C18orf63: variants seen among roughly 807,000 people sequenced by gnomAD.
The protein encoded by C18orf63 is uncharacterized protein C18orf63.
Under a neutral mutation model 75.3 loss-of-function variants are expected in C18orf63, and 50 were observed. That is an observed-to-expected ratio of 0.66 (90% CI 0.53 to 0.84). The LOEUF is 0.84. C18orf63 is among the 40% of genes least tolerant of loss of function. The probability of loss-of-function intolerance (pLI) is 0.00; values close to 1 mark genes in which losing one functional copy is unlikely to be tolerated. For missense variants in C18orf63, 732 were observed against 800.2 expected, an observed-to-expected ratio of 0.91 and a Z score of 1.03; for synonymous variants, 232 against 267.6, an observed-to-expected ratio of 0.87 and a Z score of 1.30.
At chr18:74,341,557 G>T (rs1173370574) in intron 8 of C18orf63, among the ~76,000 whole-genome samples, 2 of 152,034 alleles carry the variant, frequency 1.3e-5, no homozygotes, top group Non-Finnish European at 2.9e-5. Context: ...GTGCACGCTT[G>T]TAATCCCAGC....
chr18:74,345,239 T>C (rs1322913810), intron 11 of C18orf63, among the ~76,000 whole-genome samples: 1 of 152,188 alleles, frequency 6.6e-6, no homozygotes, highest in Non-Finnish European at 1.5e-5. Context: ...GTTTGTTTTT[T>C]TATTGATTTA....
intron 7 of C18orf63, among the ~76,000 whole-genome samples, chr18:74,336,084 G>A (rs953695413): frequency 6.6e-5 from 10 of 152,030 alleles, no homozygotes; most frequent in African/African-American, 2.2e-4. Flanking sequence ...AAAAATGATA[G>A]CTATTGTTAT....
chr18:74,316,699 T>A (rs1599283202), intron 1 of C18orf63, among the ~76,000 whole-genome samples: 1 of 152,176 alleles, frequency 6.6e-6, no homozygotes, highest in African/African-American at 2.4e-5. Context: ...CTGGACAGGA[T>A]GTTAATAGCG....
At chr18:74,327,527 C>T (rs1460099901) in intron 4 of C18orf63, among the ~76,000 whole-genome samples, 1 of 152,138 alleles carries the variant, frequency 6.6e-6, no homozygotes, top group Non-Finnish European at 1.5e-5. Context: ...ATTTGCATCT[C>T]GTTATTGGGC....
intron 1 of C18orf63, among the ~76,000 whole-genome samples, chr18:74,317,211 T>G (rs968461061): frequency 6.6e-6 from 1 of 152,224 alleles, no homozygotes; most frequent in Admixed American, 6.5e-5. Flanking sequence ...GAAGCTTCAC[T>G]GGGTTGCTTT....
intron 13 of C18orf63, among the ~76,000 whole-genome samples, 155 bp from the exon 14 acceptor site, chr18:74,356,326 T>C (rs1401268920): frequency 6.6e-6 from 1 of 152,118 alleles, no homozygotes; most frequent in Non-Finnish European, 1.5e-5. Context: ...CTGCACTCTA[T>C]GTCCACGTGT....
At chr18:74,349,090 G>A (rs1984622242) in intron 11 of C18orf63, among the ~76,000 whole-genome samples, 1 of 152,142 alleles carries the variant, frequency 6.6e-6, no homozygotes, top group Admixed American at 6.5e-5. Context: ...TTTATCTCAA[G>A]TAGTAGATAT....
chr18:74,342,071 C>A lies in C18orf63; in HGVS notation c.651C>A (p.Ile217=). The A allele has an allele frequency of 1.3e-6, 2 of 1,528,412 alleles. No individual in the cohort carries two copies. The highest frequency in any genetic ancestry group is 2.0e-5 in the Admixed American group (1 of 50,786). 94.7% of individuals were successfully genotyped at this position (1,528,412 alleles called of 1,614,324 possible). A position where few individuals can be genotyped will look rare whatever the true frequency, so the allele number is the denominator to read the frequency against. ...MGQIINIFHA[I]PAACPFHSYG... ...AAATTATAAATATTTTTCATGCCAT[C>A]CCCGCTGCCTGTCCTTTTCACTCAT... is the stretch of plus-strand genomic sequence containing the variant. The change falls in exon 9 of 14, where the codon ATC becomes ATA. Residue 217 remains isoleucine (I), a synonymous_variant. Transcript: ENST00000579455.
In C18orf63 at chr18:74,358,869, A is replaced by C. The variant is rs1010304713; in HGVS notation, c.*2422A>C. 2 of 151,990 alleles carry C rather than the reference A, an allele frequency of 1.3e-5. No homozygotes were observed. The highest frequency in any genetic ancestry group is 2.9e-5 in the Non-Finnish European group (2 of 67,990). The allele number at this position is 151,990 out of a possible 1,614,324, so 9.4% of individuals were successfully genotyped here. A position where few individuals can be genotyped will look rare whatever the true frequency, so the allele number is the denominator to read the frequency against. On this transcript the variant is annotated 3_prime_UTR_variant, in exon 14 of 14. Coordinates refer to ENST00000579455, the MANE Select transcript of C18orf63 (RefSeq NM_001174123.2). ...TACTATATTTGTTTTTATTTTTATT[A>C]TATATCATAATTACACATTTTTATT...
In C18orf63 at chr18:74,357,722, A is replaced by G. The variant is rs1984792312; in HGVS notation, c.*1275A>G. The stretch of plus-strand genomic sequence containing the variant: ...TTAAATGTTAACTCCTGCTCCTGAA[A>G]TTGTGTTTAGTTAATTAATTTGCTA... On this transcript the variant is annotated 3_prime_UTR_variant, in exon 14 of 14. Transcript: ENST00000579455. 2.0e-5 allele frequency: 3 copies of G among 152,216 alleles called. No homozygotes were observed. The highest frequency in any genetic ancestry group is 1.3e-4 in the Admixed American group (2 of 15,284). 9.4% of individuals were successfully genotyped at this position (152,216 alleles called of 1,614,324 possible). A position where few individuals can be genotyped will look rare whatever the true frequency, so the allele number is the denominator to read the frequency against.
Position 74,353,474 on chromosome 18 carries a change from G to A in C18orf63, c.1207G>A (p.Ala403Thr). The change falls in exon 12 of 14, where the codon GCT becomes ACT. Residue 403 changes from alanine (A) to threonine (T), a missense_variant. This residue lies in a region of C18orf63 where 495 missense variants were observed against 508.7 expected (regional missense o/e 0.97). Transcript: ENST00000579455. ...QGRKKSLSIR[A>T]PQVHSEVLMP... ...TAGAAAGAAATCCCTGTCTATCAGGGCTCCACAAGTACATTCAGAAGTATT... is the reference window on the plus strand; with the variant it reads ...TAGAAAGAAATCCCTGTCTATCAGGACTCCACAAGTACATTCAGAAGTATT... The A allele has an allele frequency of 6.5e-7, 1 of 1,536,380 alleles. No homozygotes were observed. Among genetic ancestry groups the A allele is most frequent in the East Asian group, 2.4e-5 (1 of 40,922 alleles).
intron 4 of C18orf63, among the ~76,000 whole-genome samples, chr18:74,325,172 A>G (rs993575618): frequency 6.6e-6 from 1 of 152,172 alleles, no homozygotes; most frequent in African/African-American, 2.4e-5. Context: ...TTTGTAATAT[A>G]GAGACATTTC....
intron 4 of C18orf63, among the ~76,000 whole-genome samples, 186 bp downstream of exon 4, chr18:74,322,940 G>A (rs1449564956): frequency 6.6e-6 from 1 of 152,028 alleles, no homozygotes; most frequent in Non-Finnish European, 1.5e-5. Flanking sequence ...AGGAGAAGAG[G>A]CTTTTTTGTT....
At chr18:74,332,515 C>A (rs965519784) in intron 7 of C18orf63, among the ~76,000 whole-genome samples, 2 of 151,988 alleles carry the variant, frequency 1.3e-5, no homozygotes, top group African/African-American at 4.8e-5. Flanking sequence ...CCAGCCTGGC[C>A]AAAATGGTGT....
At chr18:74,352,137 C>T (rs1984676631) in intron 11 of C18orf63, among the ~76,000 whole-genome samples, 1 of 151,966 alleles carries the variant, frequency 6.6e-6, no homozygotes, top group Non-Finnish European at 1.5e-5. Context: ...ATGAAATAAG[C>T]CAGACACAAA....
chr18:74,348,792 C>T (rs902852216), intron 11 of C18orf63, among the ~76,000 whole-genome samples: 1 of 152,112 alleles, frequency 6.6e-6, no homozygotes, highest in Non-Finnish European at 1.5e-5. Context: ...TACATAGGCT[C>T]TTTTGTAGTC....
At chr18:74,341,967 T>G (rs1032945319) in intron 8 of C18orf63, 65 bp from the exon 9 acceptor site, 2 of 764,442 alleles carry the variant, frequency 2.6e-6, no homozygotes, top group East Asian at 2.7e-5. Flanking sequence ...TTCTAAATCA[T>G]GTAGTTGACT....
rs759207290 is a variant in C18orf63, at chr18:74,354,076, C to T, written c.1809C>T (p.Thr603=). The T allele has an allele frequency of 1.1e-4, 163 of 1,535,866 alleles. 1 individual carries two copies. The African/African-American group carries it at 1.8e-3, about 17-fold the overall frequency. The change falls in exon 12 of 14, where the codon ACC becomes ACT. Residue 603 remains threonine (T), a synonymous_variant. Coordinates refer to ENST00000579455, the MANE Select transcript of C18orf63 (RefSeq NM_001174123.2). Reference sequence around the variant, plus strand: ...ACATTTTTGAATCAGATGGAGAAACCGAAGATCCACGACTGCTACAGCAGC... The same window carrying T: ...ACATTTTTGAATCAGATGGAGAAACTGAAGATCCACGACTGCTACAGCAGC... ...QPHIFESDGE[T]EDPRLLQQQS...
At chr18:74,329,182 A>G (rs902453791) in intron 6 of C18orf63, 146 bp downstream of exon 6, 11 of 559,648 alleles carry the variant, frequency 2.0e-5, no homozygotes, top group Non-Finnish European at 3.2e-5. Context: ...TGAGCCCACA[A>G]GTTCAAGACC....
Sources: gnomAD v4.1 joint callset for allele counts (sites outside exome capture counted in the v4.1 genomes callset) on GRCh38, gnomAD v4.1.1 for gene constraint, gnomAD v4.1.1 regional missense constraint, MANE v1.5 for transcripts, NCBI Gene and HGNC (gene_info 2026-07-23, HGNC 2026-07-21) for gene names.